Variants in PLEKHA6 observed in about 807,000 individuals in gnomAD.
PLEKHA6 encodes the protein pleckstrin homology domain containing A6.
A neutral mutation model predicts 116.7 loss-of-function variants in PLEKHA6; 60 were observed. The observed-to-expected ratio is 0.51, with a 90% CI of 0.42 to 0.64. The LOEUF is 0.64. PLEKHA6 is among the 30% of genes least tolerant of loss of function. The probability of loss-of-function intolerance (pLI) is 0.00; values close to 1 mark genes in which losing one functional copy is unlikely to be tolerated. For missense variants in PLEKHA6, 1,338 were observed against 1,422.7 expected, an observed-to-expected ratio of 0.94 and a Z score of 0.96; for synonymous variants, 489 against 556.1, an observed-to-expected ratio of 0.88 and a Z score of 1.70.
At chr1:204,376,763 T>C (rs1409678865) in intron 1 of PLEKHA6, among the ~76,000 whole-genome samples, 3 of 152,350 alleles carry the variant, frequency 2.0e-5, no homozygotes, top group Non-Finnish European at 2.9e-5. Context: ...GTAGCTCCGA[T>C]GTTTTTAAGT....
In PLEKHA6 at chr1:204,277,218, C is replaced by CA. The variant is rs760377506; in HGVS notation, c.-94-2410dup. On this transcript the variant is annotated intron_variant, in intron 1 of 22. Transcript: ENST00000272203. The surrounding 1 kb of genome is among the most constrained non-coding windows in gnomAD (Gnocchi z 4.1). ...CTCTGGCTCTGGAGAACCAGGAGGGCACTCTCCTTGGGTGGTGGTAGGGGT... is the reference window on the plus strand; with the variant it reads ...CTCTGGCTCTGGAGAACCAGGAGGGCAACTCTCCTTGGGTGGTGGTAGGGGT... The CA allele has an allele frequency of 4.6e-5, 7 of 152,614 alleles. No individual in the cohort carries two copies. The East Asian group carries it at 1.2e-3, about 25-fold the overall frequency. 9.5% of individuals were successfully genotyped at this position (152,614 alleles called of 1,614,324 possible). A position where few individuals can be genotyped will look rare whatever the true frequency, so the allele number is the denominator to read the frequency against.
At chr1:204,308,969 G>A (rs934261093) in intron 1 of PLEKHA6, 35 of 487,784 alleles carry the variant, frequency 7.2e-5, no homozygotes, top group South Asian at 2.6e-4. Flanking sequence ...GATTACAGGC[G>A]TGAGCCACCA....
chr1:204,321,442 G>GC (rs958003251), intron 1 of PLEKHA6, among the ~76,000 whole-genome samples: 1 of 151,398 alleles, frequency 6.6e-6, no homozygotes, highest in Non-Finnish European at 1.5e-5. Flanking sequence ...CTCCCCTACT[G>GC]CCCCCCTGCA....
intron 1 of PLEKHA6, among the ~76,000 whole-genome samples, chr1:204,335,535 A>G (rs1672616980): frequency 6.6e-6 from 1 of 151,922 alleles, no homozygotes; most frequent in African/African-American, 2.4e-5. Context: ...TGGCCGCTGC[A>G]CCTCTCCCTG....
intron 17 of PLEKHA6, among the ~76,000 whole-genome samples, chr1:204,233,081 G>A (rs185437592): frequency 6.6e-6 from 1 of 152,086 alleles, no homozygotes; most frequent in Admixed American, 6.5e-5. Context: ...GGGATTATAG[G>A]TGTAAGCCAC....
intron 1 of PLEKHA6, among the ~76,000 whole-genome samples, chr1:204,284,339 G>A (rs1247979328): frequency 6.6e-6 from 1 of 152,196 alleles, no homozygotes; most frequent in East Asian, 1.9e-4. Flanking sequence ...CCCCCAAGGA[G>A]GGCTCAGCTG....
chr1:204,228,027 TA>T lies in PLEKHA6; in HGVS notation c.3031+55del. On this transcript the variant is annotated intron_variant, in intron 21 of 22. Transcript: ENST00000272203. This position sits in a 1 kb window ranked among gnomAD's most constrained non-coding sequence, Gnocchi z 4.0. ...TGTAGCAGTGCCACGCTTCCTCCCT[TA>T]AACCTGGTCAGCTGGTTTCCCTGGC... is the stretch of plus-strand genomic sequence containing the variant. The T allele has an allele frequency of 6.3e-7, 1 of 1,582,692 alleles. No individual in the cohort carries two copies. The highest frequency in any genetic ancestry group is 8.6e-7 in the Non-Finnish European group (1 of 1,163,414).
At chr1:204,310,563 C>G (rs1671619930) in intron 1 of PLEKHA6, among the ~76,000 whole-genome samples, 1 of 152,184 alleles carries the variant, frequency 6.6e-6, no homozygotes, top group Admixed American at 6.5e-5. Flanking sequence ...CAACCTTGAC[C>G]CTCAACTGAC....
chr1:204,375,273 C>T (rs1363930180), intron 1 of PLEKHA6, among the ~76,000 whole-genome samples: 1 of 152,120 alleles, frequency 6.6e-6, no homozygotes, highest in East Asian at 1.9e-4. Context: ...GTCTGTTAGA[C>T]AGCATCTCCT....
intron 9 of PLEKHA6, chr1:204,251,639 C>T: frequency 1.4e-6 from 1 of 701,322 alleles, no homozygotes; most frequent in Non-Finnish European, 2.6e-6. Context: ...ACGGACTATT[C>T]ACACTCCGAC....
intron 1 of PLEKHA6, among the ~76,000 whole-genome samples, chr1:204,336,302 A>C (rs1672646896): frequency 1.3e-5 from 2 of 152,174 alleles, no homozygotes; most frequent in Non-Finnish European, 2.9e-5. Flanking sequence ...TGCTCCCCGC[A>C]AGTGACAATC....
chr1:204,226,049 G>A (rs1039889598), intron 21 of PLEKHA6, among the ~76,000 whole-genome samples: 8 of 152,152 alleles, frequency 5.3e-5, no homozygotes, highest in Non-Finnish European at 1.0e-4. Context: ...CGCTGCACCC[G>A]CTGCACGCTG....
chr1:204,282,512 C>G (rs1349284328), intron 1 of PLEKHA6: 1 of 409,946 alleles, frequency 2.4e-6, no homozygotes, highest in Admixed American at 6.4e-5. Context: ...CTCCTCACAT[C>G]TCCATGACCC....
At chr1:204,249,504 G>T (rs1001839799) in intron 10 of PLEKHA6, among the ~76,000 whole-genome samples, 9 of 152,116 alleles carry the variant, frequency 5.9e-5, no homozygotes, top group African/African-American at 2.2e-4. Flanking sequence ...AGGGCTGAGA[G>T]GCAAGTGTTA....
At chr1:204,299,711 G>A in intron 1 of PLEKHA6, 1 of 827,976 alleles carries the variant, frequency 1.2e-6, no homozygotes, top group Non-Finnish European at 1.5e-6. Flanking sequence ...GCCCCCTCAT[G>A]TCTTCTTTAG....
chr1:204,342,404 T>G (rs1672879428), intron 1 of PLEKHA6, among the ~76,000 whole-genome samples: 1 of 152,166 alleles, frequency 6.6e-6, no homozygotes, highest in Admixed American at 6.5e-5. Flanking sequence ...AGAAATAGCT[T>G]TATGTCCCCA....
intron 9 of PLEKHA6, chr1:204,251,707 G>C: frequency 3.1e-6 from 2 of 647,622 alleles, no homozygotes; most frequent in African/African-American, 3.6e-5. Flanking sequence ...AAACAGGGGA[G>C]GGCAGCTCCC....
In PLEKHA6 at chr1:204,261,525, C is replaced by A. The variant is rs1666116835; in HGVS notation, c.382-77G>T. 6.8e-7 allele frequency: 1 copy of A among 1,474,588 alleles called. No individual in the cohort carries two copies. The highest frequency in any genetic ancestry group is 9.1e-7 in the Non-Finnish European group (1 of 1,095,502). The allele number at this position is 1,474,588 out of a possible 1,614,324, so 91.3% of individuals were successfully genotyped here. ...CACAGTCACCTGTTGGGAGAAGACA[C>A]CAACGCCCACAGAATGGGCAGTCAG... On this transcript the variant is annotated intron_variant, in intron 6 of 22. Coordinates refer to ENST00000272203, the MANE Select transcript of PLEKHA6 (RefSeq NM_014935.5). The surrounding 1 kb of genome is among the most constrained non-coding windows in gnomAD (Gnocchi z 4.0).
chr1:204,342,432 A>T (rs1672881251), intron 1 of PLEKHA6, among the ~76,000 whole-genome samples: 2 of 152,234 alleles, frequency 1.3e-5, no homozygotes, highest in Non-Finnish European at 2.9e-5. Context: ...GGTCAGTAGG[A>T]CTAATATCAA....
Sources: allele counts gnomAD v4.1 joint callset (sites outside exome capture counted in the v4.1 genomes callset), GRCh38; gene constraint gnomAD v4.1.1; non-coding constraint Gnocchi (gnomAD v3.1); transcripts MANE v1.5; gene names NCBI Gene and HGNC (gene_info 2026-07-23, HGNC 2026-07-21).